The following DLG2 variants were observed in gnomAD, a reference collection of about 807,000 sequenced individuals.
DLG2 encodes discs large MAGUK scaffold protein 2, also known as disks large homolog 2.
DLG2 carries 45 observed loss-of-function variants against 132.5 expected under a neutral mutation model. The ratio of observed to expected loss-of-function variants is 0.34; its 90% CI spans 0.27 to 0.44. The LOEUF (loss-of-function observed/expected upper bound fraction) is 0.44. DLG2 is among the 20% of genes least tolerant of loss of function. DLG2 has a pLI of 1.00. For missense variants in DLG2, 1,045 were observed against 1,196.9 expected (o/e 0.87, Z 1.87); for synonymous variants, 424 against 419.6 (o/e 1.01, Z -0.13).
At chr11:85,392,970 G>A (rs1387609884) in intron 3 of DLG2, among the ~76,000 whole-genome samples, 1 of 152,012 alleles carries the variant, frequency 6.6e-6, no homozygotes, top group Admixed American at 6.6e-5. Flanking sequence ...ACAAAGATAA[G>A]TAGATGGGAC....
Position 84,582,497 on chromosome 11 carries a change from C to T in DLG2, c.358-47766G>A, listed in dbSNP as rs924527932. 2.0e-5 allele frequency among the ~76,000 whole-genome samples: 3 copies of T among 147,868 alleles called. No homozygotes were observed. In the Admixed American group the frequency reaches 2.0e-4, roughly 10 times the overall value. Reference sequence around the variant, plus strand: ...AATACATATATAATAAACATACATACATATATATAAAATACATATATACAT... The same window carrying T: ...AATACATATATAATAAACATACATATATATATATAAAATACATATATACAT... On this transcript the variant is annotated intron_variant, in intron 6 of 27. Coordinates refer to ENST00000376104, the MANE Select transcript of DLG2 (RefSeq NM_001142699.3).
At chr11:85,428,676 G>A (rs1051430792) in intron 3 of DLG2, among the ~76,000 whole-genome samples, 2 of 152,166 alleles carry the variant, frequency 1.3e-5, no homozygotes, top group African/African-American at 4.8e-5. Flanking sequence ...GAGAAAGAAG[G>A]AAAGATCTAA....
chr11:83,813,141 T>A (rs2047822664), intron 17 of DLG2, among the ~76,000 whole-genome samples: 1 of 152,152 alleles, frequency 6.6e-6, no homozygotes, highest in Non-Finnish European at 1.5e-5. Context: ...TAGTTGATAG[T>A]AAAGCAGGGT....
At chr11:83,885,078 C>T (rs7927301) in intron 15 of DLG2, among the ~76,000 whole-genome samples, 39,239 of 152,042 alleles carry the variant, frequency 0.26, 5,307 homozygotes, top group East Asian at 0.48. Context: ...TCACCAGCAA[C>T]GGAACAAAGC....
At chr11:85,061,564 G>A (rs976820057) in intron 6 of DLG2, among the ~76,000 whole-genome samples, 1 of 151,724 alleles carries the variant, frequency 6.6e-6, no homozygotes, top group Non-Finnish European at 1.5e-5. Flanking sequence ...TGTAAAAACT[G>A]AGGAAATTTA....
intron 6 of DLG2, among the ~76,000 whole-genome samples, chr11:84,714,595 T>TTCTTTCTCTTTCTCTTTC (rs1164656382): frequency 9.6e-6 from 1 of 103,894 alleles, no homozygotes. Flanking sequence ...CTCTTTCTCT[T>TTCTTTCTCTTTCTCTTTC]TCTTTCTCTT....
At chr11:84,351,281 A>C (rs975591786) in intron 7 of DLG2, among the ~76,000 whole-genome samples, 2 of 152,176 alleles carry the variant, frequency 1.3e-5, no homozygotes, top group Non-Finnish European at 2.9e-5. Flanking sequence ...ATTATATAAA[A>C]GGTGCTCCCC....
At chr11:85,111,801 G>T in intron 5 of DLG2, 66 bp from the exon 6 acceptor site, 1 of 1,218,882 alleles carries the variant, frequency 8.2e-7, no homozygotes, top group South Asian at 1.4e-5. Flanking sequence ...TATGCTAGCT[G>T]ACATGTTTAT....
chr11:84,617,353 A>G (rs1358513794), intron 6 of DLG2, among the ~76,000 whole-genome samples: 1 of 152,160 alleles, frequency 6.6e-6, no homozygotes, highest in Non-Finnish European at 1.5e-5. Flanking sequence ...CACGGTGAAT[A>G]TGTACCACAT....
chr11:84,564,733 T>TAAGAGTATGATTCAGTGATTTTCTCAAA (rs2099444405), intron 6 of DLG2, among the ~76,000 whole-genome samples: 2 of 152,178 alleles, frequency 1.3e-5, no homozygotes, highest in Admixed American at 1.3e-4. Flanking sequence ...AGGTGTCTCC[T>TAAGAGTATGATTCAGTGATTTTCTCAAA]AAGAGTATGA....
chr11:84,005,799 A>G (rs2094547000), intron 11 of DLG2, among the ~76,000 whole-genome samples: 1 of 152,070 alleles, frequency 6.6e-6, no homozygotes, highest in African/African-American at 2.4e-5. Flanking sequence ...TAGAATGGCT[A>G]TTATTAAAAA....
At chr11:85,401,320 G>T (rs1271952694) in intron 3 of DLG2, among the ~76,000 whole-genome samples, 5 of 152,038 alleles carry the variant, frequency 3.3e-5, no homozygotes, top group Non-Finnish European at 5.9e-5. Flanking sequence ...AATAAACTAG[G>T]TGTTGATGGA....
At chr11:84,021,935 C>T (rs1222053335) in intron 11 of DLG2, among the ~76,000 whole-genome samples, 4 of 151,902 alleles carry the variant, frequency 2.6e-5, no homozygotes, top group South Asian at 2.1e-4. Context: ...TTAGTAGAGA[C>T]GGGGTTTCTC....
chr11:85,563,307 C>A (rs2077354089), intron 3 of DLG2, among the ~76,000 whole-genome samples: 1 of 151,598 alleles, frequency 6.6e-6, no homozygotes, highest in Admixed American at 6.6e-5. Context: ...ACCAACACAA[C>A]AATCAAGATA....
At chr11:84,922,633 C>T (rs1409619672) in intron 6 of DLG2, among the ~76,000 whole-genome samples, 1 of 152,144 alleles carries the variant, frequency 6.6e-6, no homozygotes, top group African/African-American at 2.4e-5. Context: ...CAGAGCACAT[C>T]TAATGCCATT....
chr11:84,757,777 A>G lies in DLG2; in HGVS notation c.358-223046T>C, dbSNP rs17206381. On this transcript the variant is annotated intron_variant, in intron 6 of 27. Transcript: ENST00000376104. The stretch of plus-strand genomic sequence containing the variant: ...TTCCAAATCCTGTATGTTTCCCACC[A>G]TGCCATGTTGCTTCCAGTGATACTG... Among the ~76,000 whole-genome samples the G allele has an allele frequency of 1.4e-3, 209 of 152,290 alleles. 3 individuals carry two copies. The East Asian group carries it at 0.037, about 27-fold the overall frequency.
intron 6 of DLG2, among the ~76,000 whole-genome samples, chr11:85,008,261 C>T (rs955657982): frequency 1.2e-4 from 18 of 152,082 alleles, no homozygotes; most frequent in Admixed American, 2.0e-4. Context: ...GCTTCCACCA[C>T]TAGAAGCATG....
At chr11:84,766,751 G>C (rs1180235521) in intron 6 of DLG2, among the ~76,000 whole-genome samples, 1 of 152,068 alleles carries the variant, frequency 6.6e-6, no homozygotes, top group Non-Finnish European at 1.5e-5. Flanking sequence ...GGGGAGGAAA[G>C]ATGGTTAAAT....
intron 6 of DLG2, among the ~76,000 whole-genome samples, chr11:85,031,932 T>A (rs1384355053): frequency 6.8e-6 from 1 of 146,450 alleles, no homozygotes; most frequent in African/African-American, 2.5e-5. Flanking sequence ...TACAAGTGTG[T>A]ACCCTGACAA....
Sources: allele counts gnomAD v4.1 joint callset (sites outside exome capture counted in the v4.1 genomes callset), GRCh38; gene constraint gnomAD v4.1.1; transcripts MANE v1.5; gene names NCBI Gene and HGNC (gene_info 2026-07-23, HGNC 2026-07-21).